Variants in GALNTL6 observed in about 807,000 individuals in gnomAD.
GALNTL6 encodes polypeptide N-acetylgalactosaminyltransferase like 6, also known as polypeptide N-acetylgalactosaminyltransferase-like 6.
In GALNTL6, 46 loss-of-function variants were observed where a neutral mutation model predicts 73.7. The observed-to-expected ratio is 0.62, with a 90% CI of 0.49 to 0.80. The LOEUF (loss-of-function observed/expected upper bound fraction) is 0.80, where lower values mean the gene tolerates loss of function less well. Ranked by LOEUF, GALNTL6 falls within the 30% of genes least tolerant of loss-of-function variation. The pLI, the probability that GALNTL6 is intolerant of heterozygous loss-of-function variation, is 0.00. For synonymous variants in GALNTL6, 259 were observed against 263.7 expected (o/e 0.98, Z 0.17); for missense variants, 604 against 755.0 (o/e 0.80, Z 2.34).
chr4:172,453,712 A>G (rs1015461712), intron 5 of GALNTL6, among the ~76,000 whole-genome samples: 3 of 152,216 alleles, frequency 2.0e-5, no homozygotes, highest in Non-Finnish European at 4.4e-5. Context: ...CAGAGGATAC[A>G]CTGGGAGTTA....
chr4:172,390,084 AT>A (rs1743606196), intron 5 of GALNTL6, among the ~76,000 whole-genome samples: 2 of 152,198 alleles, frequency 1.3e-5, no homozygotes, highest in African/African-American at 4.8e-5. Flanking sequence ...TGCTATTTAA[AT>A]TTTTTTCTTA....
chr4:171,923,786 C>CTGTGTGTG (rs563244976), intron 2 of GALNTL6, among the ~76,000 whole-genome samples: 18,414 of 133,030 alleles, frequency 0.14, 1,463 homozygotes, highest in African/African-American at 0.19. Flanking sequence ...AAAAGTATTG[C>CTGTGTGTG]TGTGTGTGTG....
chr4:171,946,574 A>G (rs1466867212), intron 2 of GALNTL6, among the ~76,000 whole-genome samples: 2 of 152,162 alleles, frequency 1.3e-5, no homozygotes, highest in Admixed American at 6.6e-5. Flanking sequence ...TCGTCTTCTC[A>G]TGGGACATGC....
At chr4:172,539,425 T>TA (rs1310506508) in intron 5 of GALNTL6, among the ~76,000 whole-genome samples, 1 of 152,074 alleles carries the variant, frequency 6.6e-6, no homozygotes, top group Non-Finnish European at 1.5e-5. Flanking sequence ...CATCACTCAG[T>TA]ATAATTCTTC....
chr4:172,185,850 T>C (rs1282820881), intron 2 of GALNTL6, among the ~76,000 whole-genome samples: 4 of 152,184 alleles, frequency 2.6e-5, no homozygotes, highest in Non-Finnish European at 1.5e-5. Flanking sequence ...AATATAGCAT[T>C]GTAAAAAGCG....
chr4:171,921,093 T>G (rs1019668598), intron 2 of GALNTL6, among the ~76,000 whole-genome samples: 1 of 152,104 alleles, frequency 6.6e-6, no homozygotes, highest in Admixed American at 6.6e-5. Context: ...GTATGAAAAC[T>G]GATGAGTCAT....
At chr4:172,383,086 T>C (rs1743343315) in intron 5 of GALNTL6, among the ~76,000 whole-genome samples, 2 of 152,128 alleles carry the variant, frequency 1.3e-5, no homozygotes. Context: ...TGATATTCTT[T>C]TTAAGTGTTA....
chr4:172,684,449 T>TA (rs1455434143), intron 5 of GALNTL6, among the ~76,000 whole-genome samples: 3 of 152,060 alleles, frequency 2.0e-5, no homozygotes, highest in South Asian at 2.1e-4. Flanking sequence ...TCATATGGAT[T>TA]AAAAAAATGG....
intron 2 of GALNTL6, among the ~76,000 whole-genome samples, chr4:172,085,359 T>G (rs1450064951): frequency 3.9e-5 from 6 of 152,078 alleles, no homozygotes; most frequent in Non-Finnish European, 2.9e-5. Flanking sequence ...TGGGAATTCA[T>G]GTAGGAATCA....
At chr4:173,013,136 G>C (rs1296059567) in intron 11 of GALNTL6, among the ~76,000 whole-genome samples, 1 of 152,114 alleles carries the variant, frequency 6.6e-6, no homozygotes, top group African/African-American at 2.4e-5. Context: ...AAGCTCCATG[G>C]GGATGTTACT....
At chr4:172,342,818 G>A (rs887582572) in intron 4 of GALNTL6, among the ~76,000 whole-genome samples, 4 of 152,290 alleles carry the variant, frequency 2.6e-5, no homozygotes, top group African/African-American at 9.6e-5. Context: ...ATATGAGACT[G>A]CACATTCTAG....
intron 2 of GALNTL6, among the ~76,000 whole-genome samples, chr4:172,041,030 A>G (rs7656721): frequency 0.073 from 11,112 of 152,138 alleles, 831 homozygotes; most frequent in African/African-American, 0.19. Context: ...ATAGTTCACA[A>G]TGGCATTATT....
chr4:172,900,344 T>C (rs1354686687), intron 8 of GALNTL6, among the ~76,000 whole-genome samples: 1 of 152,198 alleles, frequency 6.6e-6, no homozygotes, highest in Non-Finnish European at 1.5e-5. Flanking sequence ...CTGTCTCTGT[T>C]TAATTGTAGA....
intron 3 of GALNTL6, among the ~76,000 whole-genome samples, chr4:172,232,095 T>G (rs1737089043): frequency 6.6e-6 from 1 of 152,094 alleles, no homozygotes; most frequent in South Asian, 2.1e-4. Context: ...TAAAAGTGTA[T>G]TAAGACATAC....
intron 2 of GALNTL6, among the ~76,000 whole-genome samples, chr4:172,224,491 TTTC>T (rs1445662689): frequency 2.6e-5 from 4 of 152,248 alleles, no homozygotes; most frequent in Non-Finnish European, 5.9e-5. Context: ...CAGATAATCT[TTTC>T]TTCACAGTTT....
intron 5 of GALNTL6, among the ~76,000 whole-genome samples, chr4:172,614,090 TTC>T (rs1419915124): frequency 2.0e-5 from 3 of 152,150 alleles, no homozygotes; most frequent in Middle Eastern, 3.4e-3. Context: ...ACAGCTGTCT[TTC>T]TCTGTCTTTC....
At chr4:172,229,168 T>C (rs1348084821) in intron 2 of GALNTL6, among the ~76,000 whole-genome samples, 2 of 152,176 alleles carry the variant, frequency 1.3e-5, no homozygotes, top group Non-Finnish European at 2.9e-5. Context: ...TTAAACAAAC[T>C]TCTATACACA....
At chr4:171,881,023 G>A (rs995219364) in intron 2 of GALNTL6, among the ~76,000 whole-genome samples, 4 of 151,856 alleles carry the variant, frequency 2.6e-5, no homozygotes, top group African/African-American at 4.8e-5. Flanking sequence ...GGCTCCCACC[G>A]AGTATGTAAG....
chr4:172,830,180 T>C (rs937334002), intron 7 of GALNTL6, among the ~76,000 whole-genome samples: 2 of 152,238 alleles, frequency 1.3e-5, no homozygotes, highest in African/African-American at 4.8e-5. Context: ...GATGCTCTTT[T>C]GTTTTATACT....
Sources: gnomAD v4.1 joint callset for allele counts (sites outside exome capture counted in the v4.1 genomes callset) on GRCh38, gnomAD v4.1.1 for gene constraint, MANE v1.5 for transcripts, NCBI Gene and HGNC (gene_info 2026-07-23, HGNC 2026-07-21) for gene names.